Variants in EFCAB6 observed in about 807,000 individuals in gnomAD.
EFCAB6 encodes the protein EF-hand calcium-binding domain-containing protein 6.
EFCAB6 carries 156 observed loss-of-function variants against 169.8 expected under a neutral mutation model. The ratio of observed to expected loss-of-function variants is 0.92; its 90% CI spans 0.81 to 1.05. The LOEUF (loss-of-function observed/expected upper bound fraction) is 1.05. Among genes scored for constraint, EFCAB6 ranks in the 50% least tolerant of loss-of-function variants. The pLI, the probability that EFCAB6 is intolerant of heterozygous loss-of-function variation, is 0.00. For synonymous variants in EFCAB6, 698 were observed against 676.4 expected (o/e 1.03, Z -0.50); for missense variants, 1,800 against 1,829.1 (o/e 0.98, Z 0.29).
At chr22:43,748,535 A>G (rs940384975) in intron 6 of EFCAB6, among the ~76,000 whole-genome samples, 2 of 152,144 alleles carry the variant, frequency 1.3e-5, no homozygotes, top group African/African-American at 4.8e-5. Flanking sequence ...TCAAGCTCCA[A>G]TATCACCTTC....
intron 3 of EFCAB6, among the ~76,000 whole-genome samples, chr22:43,774,267 G>C (rs536084604): frequency 2.9e-4 from 44 of 151,454 alleles, no homozygotes; most frequent in African/African-American, 9.2e-4. Flanking sequence ...GCACCAACTT[G>C]AACCCACCCA....
At chr22:43,674,299 T>C (rs1166744261) in intron 13 of EFCAB6, among the ~76,000 whole-genome samples, 1 of 152,208 alleles carries the variant, frequency 6.6e-6, no homozygotes, top group Non-Finnish European at 1.5e-5. Flanking sequence ...CAATAGATTG[T>C]GTGAGTGTGG....
At chr22:43,637,466 G>A (rs896077113) in intron 17 of EFCAB6, among the ~76,000 whole-genome samples, 4 of 152,230 alleles carry the variant, frequency 2.6e-5, no homozygotes, top group African/African-American at 7.2e-5. Context: ...GAAAGTGTGC[G>A]CTGTATCTAC....
intron 30 of EFCAB6, 26 bp downstream of exon 30, chr22:43,534,659 CCCA>C: frequency 6.4e-7 from 1 of 1,568,082 alleles, no homozygotes; most frequent in Non-Finnish European, 8.6e-7. Flanking sequence ...TCCACCTGGC[CCCA>C]CATTTCCTGC....
At position 43,572,476 on chromosome 22, in the gene EFCAB6, T is replaced by C. The variant is rs2049950625; in HGVS notation, c.3420+3821A>G. ...CCTGAGCAGCCTAAGACAGTCCCCA[T>C]GTCACTCAGAGTCAAAGCCAAAGTC... is the stretch of plus-strand genomic sequence containing the variant. On this transcript the variant is annotated intron_variant, in intron 26 of 31. Transcript: ENST00000262726. This position sits in a 1 kb window ranked among gnomAD's most constrained non-coding sequence, Gnocchi z 4.0. 6.6e-6 allele frequency among the ~76,000 whole-genome samples: 1 copy of C among 152,168 alleles called. No individual in the cohort carries two copies. The highest frequency in any genetic ancestry group is 2.4e-5 in the African/African-American group (1 of 41,444).
At chr22:43,540,083 T>C in intron 28 of EFCAB6, 44 bp downstream of exon 28, 1 of 1,602,198 alleles carries the variant, frequency 6.2e-7, no homozygotes, top group African/African-American at 1.3e-5. Context: ...TTTGTGGATG[T>C]GGCATGAGGA....
At chr22:43,578,840 G>C (rs111541172) in intron 25 of EFCAB6, among the ~76,000 whole-genome samples, 77 of 63,316 alleles carry the variant, frequency 1.2e-3, no homozygotes, top group East Asian at 2.4e-3. Context: ...GCATCATTCC[G>C]TACATGCAGG....
chr22:43,644,596 T>C (rs2056033439), intron 17 of EFCAB6, among the ~76,000 whole-genome samples: 1 of 152,230 alleles, frequency 6.6e-6, no homozygotes, highest in South Asian at 2.1e-4. Flanking sequence ...TGCCTGACTC[T>C]AGGCCTTCAG....
chr22:43,708,330 C>T (rs769696789), intron 10 of EFCAB6, among the ~76,000 whole-genome samples: 2 of 151,740 alleles, frequency 1.3e-5, no homozygotes, highest in Non-Finnish European at 2.9e-5. Flanking sequence ...CGCTTGAACA[C>T]GGGAGGGAGA....
At chr22:43,779,688 C>T (rs540020354) in intron 3 of EFCAB6, among the ~76,000 whole-genome samples, 1 of 152,030 alleles carries the variant, frequency 6.6e-6, no homozygotes, top group South Asian at 2.1e-4. Context: ...TGCAGTGAGC[C>T]AAGATCGCAC....
At position 43,632,984 on chromosome 22, in the gene EFCAB6, G is replaced by T. The variant is rs142826216; in HGVS notation, c.2099-746C>A. Among the ~76,000 whole-genome samples the T allele has an allele frequency of 3.8e-3, 584 of 152,346 alleles. 2 individuals carry two copies. Among genetic ancestry groups the T allele is most frequent in the African/African-American group, 0.014 (571 of 41,580 alleles). On this transcript the variant is annotated intron_variant, in intron 18 of 31. Transcript: ENST00000262726. ...TATTTCCTGACTGTGTATCTGTTAAGTAAGATGCTGAGGGCTTCATCTATT... is the reference window on the plus strand; with the variant it reads ...TATTTCCTGACTGTGTATCTGTTAATTAAGATGCTGAGGGCTTCATCTATT...
chr22:43,751,127 T>C (rs1024152894), intron 6 of EFCAB6, among the ~76,000 whole-genome samples: 1 of 152,256 alleles, frequency 6.6e-6, no homozygotes, highest in Non-Finnish European at 1.5e-5. Context: ...TTAGAATGCT[T>C]TGTTTTTCTT....
intron 23 of EFCAB6, among the ~76,000 whole-genome samples, chr22:43,598,749 A>T (rs974938306): frequency 3.9e-5 from 6 of 152,194 alleles, no homozygotes; most frequent in African/African-American, 1.4e-4. Flanking sequence ...AAAATATCTC[A>T]TGTAACCATA....
intron 2 of EFCAB6, among the ~76,000 whole-genome samples, chr22:43,790,502 C>G (rs1023361386): frequency 2.6e-5 from 4 of 152,072 alleles, no homozygotes; most frequent in African/African-American, 9.7e-5. Context: ...CTACGGAGAC[C>G]AGTGGAGCAG....
intron 17 of EFCAB6, among the ~76,000 whole-genome samples, chr22:43,648,014 A>G (rs1490598571): frequency 6.6e-6 from 1 of 152,218 alleles, no homozygotes; most frequent in Non-Finnish European, 1.5e-5. Flanking sequence ...TAACTGCCCT[A>G]GGAAACTATT....
At chr22:43,783,172 G>A (rs2061893122) in intron 2 of EFCAB6, among the ~76,000 whole-genome samples, 1 of 152,192 alleles carries the variant, frequency 6.6e-6, no homozygotes, top group African/African-American at 2.4e-5. Context: ...AGCCTATCAT[G>A]AAGAGGCATT....
chr22:43,678,018 T>C lies in EFCAB6; in HGVS notation c.1397A>G (p.Asp466Gly). ...TGVVNTSMFI[D>G]LIEENCRMRK... Reference sequence around the variant, plus strand: ...CACCCTACAGTTCTCTTCAATCAGATCAATAAACATGCTGGTGTTGACCAC... The same window carrying C: ...CACCCTACAGTTCTCTTCAATCAGACCAATAAACATGCTGGTGTTGACCAC... The change falls in exon 13 of 32, where the codon GAT becomes GGT. Residue 466 changes from aspartate (D) to glycine (G), a missense_variant. Physicochemically the swap from Asp to Gly is moderately conservative, Grantham distance 94. Coordinates refer to ENST00000262726, the MANE Select transcript of EFCAB6 (RefSeq NM_022785.4). 6.2e-7 allele frequency: 1 copy of C among 1,613,850 alleles called. No individual in the cohort carries two copies. The highest frequency in any genetic ancestry group is 8.5e-7 in the Non-Finnish European group (1 of 1,179,918).
At chr22:43,570,075 G>C (rs1013827272) in intron 26 of EFCAB6, 80 of 152,242 alleles carry the variant, frequency 5.3e-4, no homozygotes, top group African/African-American at 1.9e-3. Flanking sequence ...CAAACATTTT[G>C]ATGTACTTTA....
intron 6 of EFCAB6, among the ~76,000 whole-genome samples, chr22:43,737,155 G>A (rs554053289): frequency 2.6e-5 from 4 of 152,188 alleles, no homozygotes; most frequent in South Asian, 4.2e-4. Context: ...ATGGCCTGAC[G>A]TGGCTGAAGA....
Sources: gnomAD v4.1 joint callset for allele counts (sites outside exome capture counted in the v4.1 genomes callset) on GRCh38, gnomAD v4.1.1 for gene constraint, Gnocchi (gnomAD v3.1) non-coding constraint, MANE v1.5 for transcripts, NCBI Gene and HGNC (gene_info 2026-07-23, HGNC 2026-07-21) for gene names.